TPP2: variants seen among roughly 807,000 people sequenced by gnomAD.
TPP2 encodes the protein tripeptidyl peptidase 2.
A neutral mutation model predicts 155.9 loss-of-function variants in TPP2; 34 were observed. That is an observed-to-expected ratio of 0.22 (90% CI 0.17 to 0.29). The LOEUF is 0.29. Ranked by LOEUF, TPP2 falls within the 10% of genes least tolerant of loss-of-function variation. TPP2 has a pLI of 1.00. For synonymous variants in TPP2, 510 were observed against 529.4 expected (o/e 0.96, Z 0.50); for missense variants, 1,028 against 1,522.3 (o/e 0.68, Z 5.40).
chr13:102,610,411 G>A (rs181784160), intron 2 of TPP2, among the ~76,000 whole-genome samples: 7 of 152,000 alleles, frequency 4.6e-5, no homozygotes, highest in African/African-American at 1.7e-4. Flanking sequence ...TGTATTTTTA[G>A]TAGAGACTGG....
intron 1 of TPP2, among the ~76,000 whole-genome samples, chr13:102,597,646 T>C (rs931458932): frequency 2.0e-5 from 3 of 152,246 alleles, no homozygotes; most frequent in Non-Finnish European, 4.4e-5. Context: ...CCTGACGTTT[T>C]TAAAGAGAAT....
chr13:102,604,725 G>A lies in TPP2; in HGVS notation c.166-68G>A. 5 of 1,511,228 alleles carry A rather than the reference G, an allele frequency of 3.3e-6. No individual in the cohort carries two copies. The South Asian group carries it at 6.1e-5, about 18-fold the overall frequency. 93.6% of individuals were successfully genotyped at this position (1,511,228 alleles called of 1,614,324 possible). ...TGTATATACACACACATATATATGT[G>A]GATTTGCATTGTTTAGGAATAAAAA... On this transcript the variant is annotated intron_variant, in intron 1 of 29. Coordinates refer to ENST00000376052, the MANE Select transcript of TPP2 (RefSeq NM_001330588.2).
At chr13:102,638,373 T>C in intron 15 of TPP2, 58 bp downstream of exon 15, 2 of 1,523,276 alleles carry the variant, frequency 1.3e-6, no homozygotes, top group East Asian at 2.3e-5. Flanking sequence ...TGACTATTCA[T>C]GGAGTCTTGT....
chr13:102,671,970 A>G (rs2139614349), intron 27 of TPP2, among the ~76,000 whole-genome samples: 1 of 152,302 alleles, frequency 6.6e-6, no homozygotes, highest in East Asian at 1.9e-4. Flanking sequence ...CCTAGCCTGA[A>G]CAATTCCCTC....
chr13:102,597,596 T>G (rs2139392480), intron 1 of TPP2, among the ~76,000 whole-genome samples: 1 of 152,340 alleles, frequency 6.6e-6, no homozygotes, highest in East Asian at 1.9e-4. Flanking sequence ...CCACGCCGCC[T>G]TCCTCTGCCT....
rs543516095 is a variant in TPP2 at position 102,660,267 on chromosome 13, G to A, written c.3143+3060G>A. Among the ~76,000 whole-genome samples the A allele has an allele frequency of 1.0e-3, 152 of 150,122 alleles. 1 individual carries two copies. The highest frequency in any genetic ancestry group is 7.3e-3 in the Admixed American group (110 of 15,100). On this transcript the variant is annotated intron_variant, in intron 25 of 29. Coordinates refer to ENST00000376052, the MANE Select transcript of TPP2 (RefSeq NM_001330588.2). The stretch of plus-strand genomic sequence containing the variant: ...TTAAAAATATTCACTTAATACAAAA[G>A]AAAGCTGTATAGGAGGAACAGTGGA...
chr13:102,601,042 C>T (rs759462172), intron 1 of TPP2, among the ~76,000 whole-genome samples: 5 of 152,076 alleles, frequency 3.3e-5, no homozygotes, highest in Non-Finnish European at 7.4e-5. Flanking sequence ...AAGCATGTGC[C>T]ACCATACCCA....
intron 29 of TPP2, among the ~76,000 whole-genome samples, chr13:102,676,852 G>T (rs1885305600): frequency 6.6e-6 from 1 of 152,202 alleles, no homozygotes; most frequent in Admixed American, 6.5e-5. Flanking sequence ...TATGTGCAGA[G>T]AAATTTTATA....
rs566049530 is a variant in TPP2, at chr13:102,663,631, C to G, written c.3144-17C>G. ...AAAAGAAAAAAGTAAATATTTCTCT[C>G]CTTCTTACATACATAGGCTGGATTC... On this transcript the variant is annotated splice_polypyrimidine_tract_variant and intron_variant, in intron 25 of 29. Transcript: ENST00000376052. 1.2e-5 allele frequency: 18 copies of G among 1,536,774 alleles called. No homozygotes were observed. The highest frequency in any genetic ancestry group is 1.5e-5 in the Non-Finnish European group (17 of 1,138,590).
rs532343891 is a variant in TPP2 at position 102,669,745 on chromosome 13, G to T, written c.3372-4538G>T. On this transcript the variant is annotated intron_variant, in intron 27 of 29. Transcript: ENST00000376052. The stretch of plus-strand genomic sequence containing the variant: ...CCAATTTTGGTGGAAACATTGATGC[G>T]AATGGGTGGCTTGGTCAAGCAGTGA... Among the ~76,000 whole-genome samples, 3 of 149,152 alleles carry T rather than the reference G, an allele frequency of 2.0e-5. No homozygotes were observed. The East Asian group carries it at 6.0e-4, about 30-fold the overall frequency.
intron 20 of TPP2, among the ~76,000 whole-genome samples, chr13:102,646,882 G>A (rs617381): frequency 0.64 from 98,085 of 152,096 alleles, 32,996 homozygotes; most frequent in African/African-American, 0.85. Context: ...ACACACATCA[G>A]TTTGGTTATA....
intron 4 of TPP2, among the ~76,000 whole-genome samples, chr13:102,616,739 T>C (rs1880764132): frequency 6.6e-6 from 1 of 152,242 alleles, no homozygotes; most frequent in African/African-American, 2.4e-5. Flanking sequence ...TGTGTTTGGT[T>C]ATGAATTCTC....
intron 29 of TPP2, 27 bp from the exon 30 acceptor site, chr13:102,678,200 A>G: frequency 6.3e-7 from 1 of 1,580,178 alleles, no homozygotes; most frequent in Non-Finnish European, 8.6e-7. Context: ...TTCCTTTATA[A>G]TAATATATTA....
At position 102,679,537 on chromosome 13, in the gene TPP2, A is replaced by C. The variant is rs1566382855; in HGVS notation, c.*1221A>C. 6.6e-6 allele frequency: 1 copy of C among 152,192 alleles called. No individual in the cohort carries two copies. Among genetic ancestry groups the C allele is most frequent in the Non-Finnish European group, 1.5e-5 (1 of 68,034 alleles). 9.4% of individuals were successfully genotyped at this position (152,192 alleles called of 1,614,324 possible). The stretch of plus-strand genomic sequence containing the variant: ...CTTAAAATTACTACCAGTAATCCTT[A>C]GTCACTCCCAACTGTTTCTGCTGTA... On this transcript the variant is annotated 3_prime_UTR_variant, in exon 30 of 30. Coordinates refer to ENST00000376052, the MANE Select transcript of TPP2 (RefSeq NM_001330588.2).
intron 21 of TPP2, among the ~76,000 whole-genome samples, chr13:102,648,429 C>CGTGTGTGTGTGTGTGT (rs56934655): frequency 5.8e-4 from 86 of 148,068 alleles, no homozygotes; most frequent in Middle Eastern, 3.5e-3. Flanking sequence ...ATAAGTTACA[C>CGTGTGTGTGTGTGTGT]GTGTGTGTGT....
At chr13:102,641,270 A>G (rs1284065584) in intron 16 of TPP2, among the ~76,000 whole-genome samples, 1 of 152,186 alleles carries the variant, frequency 6.6e-6, no homozygotes, top group Non-Finnish European at 1.5e-5. Context: ...GTCAGTTGTC[A>G]GAGCTCACTC....
intron 15 of TPP2, 51 bp from the exon 16 acceptor site, chr13:102,640,219 C>A: frequency 7.6e-7 from 1 of 1,315,838 alleles, no homozygotes; most frequent in Non-Finnish European, 1.1e-6. Context: ...TCTAGAGTAT[C>A]TGTGGTCTTA....
intron 11 of TPP2, among the ~76,000 whole-genome samples, chr13:102,635,048 C>T (rs901268310): frequency 6.6e-6 from 1 of 152,168 alleles, no homozygotes; most frequent in Non-Finnish European, 1.5e-5. Context: ...AATTGGTGGC[C>T]TCCATATTCT....
chr13:102,618,718 C>T lies in TPP2; in HGVS notation c.496-4C>T. On this transcript the variant is annotated splice_region_variant and splice_polypyrimidine_tract_variant and intron_variant, in intron 4 of 29. Coordinates refer to ENST00000376052, the MANE Select transcript of TPP2 (RefSeq NM_001330588.2). ...TAATGTTAATCAGTTTTCCAACTGACTAGGCAAATAAACTAATCAAGGAGG... is the reference window on the plus strand; with the variant it reads ...TAATGTTAATCAGTTTTCCAACTGATTAGGCAAATAAACTAATCAAGGAGG... 1 of 1,612,788 alleles carries T rather than the reference C, an allele frequency of 6.2e-7. No homozygotes were observed. Among genetic ancestry groups the T allele is most frequent in the South Asian group, 1.1e-5 (1 of 90,926 alleles).
Sources: gnomAD v4.1 joint callset for allele counts (sites outside exome capture counted in the v4.1 genomes callset) on GRCh38, gnomAD v4.1.1 for gene constraint, MANE v1.5 for transcripts, NCBI Gene and HGNC (gene_info 2026-07-23, HGNC 2026-07-21) for gene names.